Variants in ACP6 observed in about 807,000 individuals in gnomAD.
ACP6 encodes the protein lysophosphatidic acid phosphatase type 6.
In ACP6, 48 loss-of-function variants were observed where a neutral mutation model predicts 48.1. The observed-to-expected ratio is 1.00, with a 90% CI of 0.79 to 1.27. The LOEUF (loss-of-function observed/expected upper bound fraction) is 1.27, where lower values mean the gene tolerates loss of function less well. ACP6 is among the 50% of genes most tolerant of loss of function. ACP6 has a pLI of 0.00. For synonymous variants in ACP6, 172 were observed against 204.2 expected (o/e 0.84, Z 1.34); for missense variants, 485 against 529.1 (o/e 0.92, Z 0.82).
downstream of ACP6, among the ~76,000 whole-genome samples, chr1:147,641,784 C>T (rs1012640578): frequency 1.3e-5 from 2 of 152,178 alleles, no homozygotes; most frequent in African/African-American, 4.8e-5. Flanking sequence ...CCCACAGTCA[C>T]ACAACTGGTG....
In ACP6 at chr1:147,670,125, G is replaced by A; in HGVS notation, c.-77C>T. The stretch of plus-strand genomic sequence containing the variant: ...AGTCTTCTGCGGGCGCCGGGGCTCA[G>A]CGGGCGCCCCCAAGTCCGCGGGAAC... On this transcript the variant is annotated 5_prime_UTR_variant, in exon 1 of 10. Coordinates refer to ENST00000583509, the MANE Select transcript of ACP6 (RefSeq NM_016361.5). 1.5e-6 allele frequency: 2 copies of A among 1,370,420 alleles called. No homozygotes were observed. The highest frequency in any genetic ancestry group is 2.9e-5 in the African/African-American group (2 of 68,462). 84.9% of individuals were successfully genotyped at this position (1,370,420 alleles called of 1,614,324 possible).
At chr1:147,669,413 C>T (rs1271265606) in intron 1 of ACP6, among the ~76,000 whole-genome samples, 2 of 152,212 alleles carry the variant, frequency 1.3e-5, no homozygotes, top group Non-Finnish European at 2.9e-5. Flanking sequence ...GTCCCTTCAG[C>T]CCTTCAGCTC....
intron 1 of ACP6, among the ~76,000 whole-genome samples, chr1:147,667,610 G>A (rs1182637714): frequency 1.3e-5 from 2 of 152,168 alleles, no homozygotes; most frequent in African/African-American, 2.4e-5. Context: ...AAACCAGTCA[G>A]AAATCAGGAA....
Position 147,648,251 on chromosome 1 carries a change from C to T in ACP6, c.1138G>A (p.Gly380Arg), listed in dbSNP as rs146616655. ...KEWFVQLYYH[G>R]KEQVPRGCPD... The stretch of plus-strand genomic sequence containing the variant: ...CCCCACCTCAGGGGTATTACCTTCC[C>T]GTGGTAATAGAGCTGCACAAACCAC... Residue 380 changes from glycine (G) to arginine (R), a missense_variant, in exon 9 of 10, where the codon GGG becomes AGG. Physicochemically the swap from Gly to Arg is moderately radical, Grantham distance 125. Transcript: ENST00000583509. 17 of 1,613,948 alleles carry T rather than the reference C, an allele frequency of 1.1e-5. No individual in the cohort carries two copies. Among genetic ancestry groups the T allele is most frequent in the South Asian group, 7.7e-5 (7 of 91,084 alleles).
At chr1:147,667,277 A>G (rs1248282109) in intron 1 of ACP6, among the ~76,000 whole-genome samples, 3 of 152,020 alleles carry the variant, frequency 2.0e-5, no homozygotes, top group Non-Finnish European at 4.4e-5. Flanking sequence ...GAGTGCAGTG[A>G]CCCAATCTTG....
chr1:147,670,031 G>A lies in ACP6; in HGVS notation c.18C>T (p.Phe6=). The change falls in exon 1 of 10, where the codon TTC becomes TTT. Residue 6 remains phenylalanine (F), a synonymous_variant. Transcript: ENST00000583509. Reference sequence around the variant, plus strand: ...CCACTGGGGTCCACAAGCGCATGCTGAACACACCAGTGATCATGGTGGTAG... The same window carrying A: ...CCACTGGGGTCCACAAGCGCATGCTAAACACACCAGTGATCATGGTGGTAG... The part of the protein sequence containing the change: MITGV[F]SMRLWTPVGV... 1 of 1,533,706 alleles carries A rather than the reference G, an allele frequency of 6.5e-7. No homozygotes were observed. Among genetic ancestry groups the A allele is most frequent in the Non-Finnish European group, 8.8e-7 (1 of 1,136,272 alleles).
Position 147,659,511 on chromosome 1 carries a change from C to T in ACP6, c.364G>A (p.Gly122Arg). 1.2e-6 allele frequency: 2 copies of T among 1,614,106 alleles called. No homozygotes were observed. The highest frequency in any genetic ancestry group is 1.3e-5 in the African/African-American group (1 of 74,990). Residue 122 changes from glycine to arginine, a missense_variant, in exon 3 of 10, where the codon GGG becomes AGG. Gly to Arg is a moderately radical substitution (Grantham distance 125). Transcript: ENST00000583509. ...ETTLKGGMFA[G>R]QLTKVGMQQM... is the part of the protein sequence containing the mutation. ...TGCATGCCCACCTTGGTCAGCTGCC[C>T]AGCAAACATGCCCCCCTAAAGTAGG...
intron 5 of ACP6, among the ~76,000 whole-genome samples, chr1:147,633,580 T>TA (rs1186467395): frequency 6.6e-6 from 1 of 152,026 alleles, no homozygotes; most frequent in Admixed American, 6.6e-5. Flanking sequence ...CTTTTTCATG[T>TA]AAAAAAAGTC....
intron 1 of ACP6, among the ~76,000 whole-genome samples, chr1:147,663,526 C>T (rs760549384): frequency 6.6e-5 from 10 of 152,106 alleles, no homozygotes; most frequent in Non-Finnish European, 1.5e-4. Context: ...ACTTCTACAT[C>T]GTGGCTGAGT....
Position 147,659,736 on chromosome 1 carries a change from T to C in ACP6, c.259A>G (p.Thr87Ala). The C allele has an allele frequency of 6.2e-7, 1 of 1,614,082 alleles. No homozygotes were observed. The change falls in exon 2 of 10, where the codon ACT (threonine) becomes GCT (alanine). Residue 87 changes from threonine (T) to alanine (A), a missense_variant. By Grantham distance (58) the Thr-to-Ala change is moderately conservative. Coordinates refer to ENST00000583509, the MANE Select transcript of ACP6 (RefSeq NM_016361.5). The part of the protein sequence containing the change: ...NPQLLEVPPQ[T>A]QFDYTVTNLA... ...TTGGTGACTGTGTAATCAAACTGAGTTTGGGGTGGGACCTCTAATAGCTGG... is the reference window on the plus strand; with the variant it reads ...TTGGTGACTGTGTAATCAAACTGAGCTTGGGGTGGGACCTCTAATAGCTGG...
chr1:147,669,252 T>C (rs1409454800), intron 1 of ACP6, among the ~76,000 whole-genome samples: 2 of 119,630 alleles, frequency 1.7e-5, no homozygotes, highest in East Asian at 4.8e-4. Context: ...AGGAGAACCC[T>C]AGAATACAAC....
chr1:147,634,710 TTTGA>T (rs1659254224), intron 5 of ACP6, among the ~76,000 whole-genome samples: 1 of 152,230 alleles, frequency 6.6e-6, no homozygotes, highest in African/African-American at 2.4e-5. Context: ...TAATTGGCTC[TTTGA>T]TTGATTCATC....
At chr1:147,661,509 C>T (rs996122261) in intron 1 of ACP6, among the ~76,000 whole-genome samples, 1 of 152,138 alleles carries the variant, frequency 6.6e-6, no homozygotes, top group Non-Finnish European at 1.5e-5. Context: ...CTCTCTCCCT[C>T]TCCTTGAGCC....
intron 7 of ACP6, chr1:147,651,561 TCA>T (rs1659920140): frequency 6.6e-6 from 1 of 151,980 alleles, no homozygotes; most frequent in Non-Finnish European, 1.5e-5. Flanking sequence ...TGGCACCCCT[TCA>T]CAAGCAGAAA....
At chr1:147,641,043 A>C (rs1659434769), downstream of ACP6, among the ~76,000 whole-genome samples, 1 of 152,208 alleles carries the variant, frequency 6.6e-6, no homozygotes, top group African/African-American at 2.4e-5. Flanking sequence ...CCAAAGCCGA[A>C]GAATGATCCC....
At chr1:147,664,032 G>C (rs1660678787) in intron 1 of ACP6, among the ~76,000 whole-genome samples, 1 of 152,008 alleles carries the variant, frequency 6.6e-6, no homozygotes, top group Admixed American at 6.6e-5. Flanking sequence ...ACTATCCCAG[G>C]AGAATGGTAC....
Position 147,658,958 on chromosome 1 carries a change from A to G in ACP6, c.559+2T>C. 2 of 1,610,528 alleles carry G rather than the reference A, an allele frequency of 1.2e-6. No individual in the cohort carries two copies. The highest frequency in any genetic ancestry group is 1.7e-6 in the Non-Finnish European group (2 of 1,178,054). ...GGACTGACTGGGACCCCAAATACGA[A>G]CCTTCTTTCTGACACTGGAAAAGCC... On this transcript the variant is annotated splice_donor_variant, in intron 4 of 9. Transcript: ENST00000583509. LOFTEE classifies it high-confidence loss of function.
chr1:147,669,354 G>A (rs587700081), intron 1 of ACP6, among the ~76,000 whole-genome samples: 1 of 152,078 alleles, frequency 6.6e-6, no homozygotes, highest in Non-Finnish European at 1.5e-5. Context: ...CAAAGGCAAC[G>A]ACCTCTTATC....
downstream of ACP6, among the ~76,000 whole-genome samples, chr1:147,641,112 G>A (rs1333941837): frequency 2.0e-5 from 3 of 148,958 alleles, no homozygotes; most frequent in Non-Finnish European, 3.0e-5. Flanking sequence ...CCCACAGCCC[G>A]CCCAGCCTCC....
Sources: gnomAD v4.1 joint callset for allele counts (sites outside exome capture counted in the v4.1 genomes callset) on GRCh38, gnomAD v4.1.1 for gene constraint, MANE v1.5 for transcripts, NCBI Gene and HGNC (gene_info 2026-07-23, HGNC 2026-07-21) for gene names.